Variants in COL24A1 observed in about 807,000 individuals in gnomAD.
COL24A1 encodes collagen alpha-1(XXIV) chain.
In COL24A1, 224 loss-of-function variants were observed where a neutral mutation model predicts 253.9. The ratio of observed to expected loss-of-function variants is 0.88; its 90% CI spans 0.79 to 0.99. The LOEUF (loss-of-function observed/expected upper bound fraction) is 0.99. COL24A1 is among the 50% of genes least tolerant of loss of function. COL24A1 has a pLI of 0.00. For synonymous variants in COL24A1, 685 were observed against 673.7 expected, an observed-to-expected ratio of 1.02 and a Z score of -0.26; for missense variants, 2,131 against 2,068.5, an observed-to-expected ratio of 1.03 and a Z score of -0.59.
intron 2 of COL24A1, among the ~76,000 whole-genome samples, chr1:86,144,089 A>G (rs1651532041): frequency 6.6e-6 from 1 of 152,090 alleles, no homozygotes; most frequent in South Asian, 2.1e-4. Context: ...GCTCAAAAAT[A>G]TTCAATTTTC....
At chr1:85,945,392 C>T (rs1385848022) in intron 24 of COL24A1, among the ~76,000 whole-genome samples, 1 of 151,410 alleles carries the variant, frequency 6.6e-6, no homozygotes, top group Non-Finnish European at 1.5e-5. Flanking sequence ...GATGCCCTGA[C>T]TGACTGAAAA....
intron 42 of COL24A1, among the ~76,000 whole-genome samples, chr1:85,840,915 T>C (rs1443676332): frequency 6.6e-6 from 1 of 152,102 alleles, no homozygotes; most frequent in Non-Finnish European, 1.5e-5. Context: ...TCCTAAAATG[T>C]CTAGAGTGTA....
At chr1:85,976,761 C>T (rs180829696) in intron 20 of COL24A1, among the ~76,000 whole-genome samples, 4 of 152,222 alleles carry the variant, frequency 2.6e-5, no homozygotes, top group Admixed American at 1.3e-4. Context: ...AATAACCTGA[C>T]AAAATAACCC....
chr1:86,111,658 G>A (rs1009844889), intron 5 of COL24A1, among the ~76,000 whole-genome samples: 1 of 152,002 alleles, frequency 6.6e-6, no homozygotes, highest in East Asian at 1.9e-4. Flanking sequence ...TGGAAGCTTT[G>A]TTCTTTCACT....
At chr1:85,999,612 C>A (rs1041720170) in intron 19 of COL24A1, among the ~76,000 whole-genome samples, 1 of 149,716 alleles carries the variant, frequency 6.7e-6, no homozygotes, top group Admixed American at 6.7e-5. Flanking sequence ...AGAACAAGAC[C>A]CTGTCTCACT....
intron 43 of COL24A1, among the ~76,000 whole-genome samples, chr1:85,833,261 G>A (rs1003929437): frequency 1.9e-4 from 29 of 151,992 alleles, no homozygotes; most frequent in East Asian, 7.7e-4. Context: ...ATGAACTCAA[G>A]CAAATTTACA....
intron 38 of COL24A1, among the ~76,000 whole-genome samples, chr1:85,848,529 C>T (rs1677393547): frequency 6.6e-6 from 1 of 152,078 alleles, no homozygotes; most frequent in African/African-American, 2.4e-5. Context: ...AGGCTGGTTT[C>T]GATCTCCTGA....
intron 1 of COL24A1, 104 bp downstream of exon 1, chr1:86,156,237 T>C: frequency 2.7e-6 from 3 of 1,109,692 alleles, no homozygotes; most frequent in Non-Finnish European, 3.9e-6. Context: ...AGCCAAAAAG[T>C]GCCAAGGAGC....
chr1:85,926,063 A>C (rs890739011), intron 24 of COL24A1, among the ~76,000 whole-genome samples: 3 of 152,240 alleles, frequency 2.0e-5, no homozygotes, highest in African/African-American at 7.2e-5. Flanking sequence ...GCCAACAGAC[A>C]CATGAAAAAA....
chr1:85,783,493 T>C lies in COL24A1; in HGVS notation c.4284+3A>G. 6.2e-7 allele frequency: 1 copy of C among 1,613,000 alleles called. No homozygotes were observed. The highest frequency in any genetic ancestry group is 8.5e-7 in the Non-Finnish European group (1 of 1,179,200). On this transcript the variant is annotated splice_donor_region_variant and intron_variant, in intron 51 of 59. Coordinates refer to ENST00000370571, the MANE Select transcript of COL24A1 (RefSeq NM_152890.7). ...CTGGTAGGCAGAATGACTTTACACT[T>C]ACTCTGTGTCCAATAGGACCTTTAG...
intron 43 of COL24A1, among the ~76,000 whole-genome samples, chr1:85,831,300 T>C (rs935844689): frequency 1.1e-4 from 17 of 152,158 alleles, no homozygotes; most frequent in South Asian, 2.1e-4. Flanking sequence ...GGAGGTGAAG[T>C]AAGAGTGAGA....
chr1:86,039,042 T>C (rs1285733284), intron 12 of COL24A1, among the ~76,000 whole-genome samples: 3 of 152,154 alleles, frequency 2.0e-5, no homozygotes, highest in African/African-American at 4.8e-5. Context: ...AGCTAATACA[T>C]AGTAACAAGA....
At chr1:85,745,392 T>C (rs777773545) in intron 56 of COL24A1, 49 bp downstream of exon 56, 3 of 1,363,506 alleles carry the variant, frequency 2.2e-6, no homozygotes, top group African/African-American at 1.5e-5. Context: ...CTCTGTTTAA[T>C]TGGTATATTG....
chr1:85,892,980 G>A (rs1683281098), intron 31 of COL24A1, among the ~76,000 whole-genome samples: 1 of 152,014 alleles, frequency 6.6e-6, no homozygotes, highest in African/African-American at 2.4e-5. Flanking sequence ...ATCATTAAAT[G>A]GGAGACCCAA....
chr1:85,832,532 A>G (rs1675430591), intron 43 of COL24A1, among the ~76,000 whole-genome samples: 1 of 150,516 alleles, frequency 6.6e-6, no homozygotes, highest in Admixed American at 6.7e-5. Context: ...GGCCATTTTC[A>G]CGATATTGAT....
chr1:86,085,401 A>G (rs1204721942), intron 7 of COL24A1, among the ~76,000 whole-genome samples: 1 of 152,194 alleles, frequency 6.6e-6, no homozygotes, highest in Non-Finnish European at 1.5e-5. Flanking sequence ...ATTGCCATAT[A>G]TTATTTATAA....
At chr1:86,102,615 C>T (rs1466733214) in intron 5 of COL24A1, among the ~76,000 whole-genome samples, 1 of 152,110 alleles carries the variant, frequency 6.6e-6, no homozygotes, top group Non-Finnish European at 1.5e-5. Context: ...CTTCTTCACT[C>T]CTGCCTTAAT....
chr1:86,104,521 C>T (rs1308901169), intron 5 of COL24A1, among the ~76,000 whole-genome samples: 1 of 152,152 alleles, frequency 6.6e-6, no homozygotes, highest in Non-Finnish European at 1.5e-5. Context: ...TTACTTCAGT[C>T]TTTGAAATTG....
chr1:85,795,250 A>C (rs931457239), intron 47 of COL24A1, among the ~76,000 whole-genome samples: 1 of 152,190 alleles, frequency 6.6e-6, no homozygotes. Flanking sequence ...GGGAAGGAAA[A>C]TGGTGCTATA....
Sources: gnomAD v4.1 joint callset for allele counts (sites outside exome capture counted in the v4.1 genomes callset) on GRCh38, gnomAD v4.1.1 for gene constraint, MANE v1.5 for transcripts, NCBI Gene and HGNC (gene_info 2026-07-23, HGNC 2026-07-21) for gene names.